The following CERS3 variants were observed in gnomAD, a reference collection of about 807,000 sequenced individuals.
CERS3 encodes the protein ceramide synthase 3.
Under a neutral mutation model 50.3 loss-of-function variants are expected in CERS3, and 33 were observed. The ratio of observed to expected loss-of-function variants is 0.66; its 90% CI spans 0.50 to 0.88. The LOEUF (loss-of-function observed/expected upper bound fraction) is 0.88, where lower values mean the gene tolerates loss of function less well. CERS3 is among the 40% of genes least tolerant of loss of function. The pLI is 0.00. For synonymous variants in CERS3, 176 were observed against 155.2 expected (o/e 1.13, Z -0.99); for missense variants, 470 against 460.3 (o/e 1.02, Z -0.19).
rs1156526862 is a variant in CERS3 at position 100,484,597 on chromosome 15, C to A, written c.360G>T (p.Arg120=). 1.2e-6 allele frequency: 2 copies of A among 1,614,052 alleles called. No homozygotes were observed. The highest frequency in any genetic ancestry group is 4.5e-5 in the East Asian group (2 of 44,896). ...GCCTGGAAGGCCTCTCTTGATTCCG[C>A]CGACTCCTAAACCATCTTTCCACCT... ...ERQVERWFRS[R]RNQERPSRLK... is the part of the protein sequence containing the mutation. The change falls in exon 5 of 12, where the codon CGG becomes CGT. Residue 120 remains arginine (R), a synonymous_variant. Transcript: ENST00000679737.
At chr15:100,532,936 A>G (rs1339727311), upstream of CERS3, among the ~76,000 whole-genome samples, 1 of 152,152 alleles carries the variant, frequency 6.6e-6, no homozygotes, top group Non-Finnish European at 1.5e-5. Context: ...ATTGTCATAA[A>G]GTCATCTCTC....
chr15:100,418,221 C>T (rs1052822540), intron 11 of CERS3, among the ~76,000 whole-genome samples: 7 of 152,016 alleles, frequency 4.6e-5, no homozygotes, highest in African/African-American at 1.7e-4. Flanking sequence ...ATAACCAATA[C>T]AGAGAAGGGC....
At chr15:100,534,658 A>G (rs1262124670) in intron 1 of CERS3, among the ~76,000 whole-genome samples, 1 of 122,858 alleles carries the variant, frequency 8.1e-6, no homozygotes, top group Non-Finnish European at 1.9e-5. Context: ...TCAGAAACTC[A>G]AAAGAATGCA....
chr15:100,497,607 G>A (rs1014026426), intron 3 of CERS3, among the ~76,000 whole-genome samples: 1 of 151,910 alleles, frequency 6.6e-6, no homozygotes, highest in South Asian at 2.1e-4. Flanking sequence ...GATTTATACA[G>A]TAAGGAAACA....
intron 11 of CERS3, among the ~76,000 whole-genome samples, chr15:100,426,523 T>C (rs1161750499): frequency 6.6e-6 from 1 of 152,086 alleles, no homozygotes; most frequent in Non-Finnish European, 1.5e-5. Context: ...GGAGAGAGAA[T>C]AAAATGAGTA....
intron 4 of CERS3, 119 bp downstream of exon 4, chr15:100,490,698 A>C: frequency 1.5e-6 from 1 of 664,918 alleles, no homozygotes; most frequent in African/African-American, 1.8e-5. Flanking sequence ...ATCCAAGTGA[A>C]TCCAGATCAT....
At chr15:100,437,490 A>C (rs2033473140) in intron 11 of CERS3, among the ~76,000 whole-genome samples, 1 of 152,176 alleles carries the variant, frequency 6.6e-6, no homozygotes, top group Non-Finnish European at 1.5e-5. Context: ...ACAGCTTAGA[A>C]AACTGTCACT....
intron 1 of CERS3, among the ~76,000 whole-genome samples, chr15:100,526,626 A>C (rs79157931): frequency 0.015 from 2,315 of 152,234 alleles, 65 homozygotes; most frequent in African/African-American, 0.053. Context: ...GGCATAGGAC[A>C]TTCATTACTT....
Position 100,417,414 on chromosome 15 carries a change from C to A in CERS3, c.1000-14549G>T, listed in dbSNP as rs1397930441. Among the ~76,000 whole-genome samples the A allele has an allele frequency of 1.8e-4, 27 of 152,248 alleles. 1 individual carries two copies. The highest frequency in any genetic ancestry group is 6.5e-4 in the African/African-American group (27 of 41,492). On this transcript the variant is annotated intron_variant, in intron 11 of 11. Transcript: ENST00000679737. ...CGCACCACGAGATTATATCCCACAC[C>A]TGGCTCTGAGGGTCCTACCCCACGG...
At chr15:100,525,940 A>G (rs1364033048) in intron 1 of CERS3, among the ~76,000 whole-genome samples, 1 of 152,218 alleles carries the variant, frequency 6.6e-6, no homozygotes, top group Non-Finnish European at 1.5e-5. Flanking sequence ...TCCAGTAAAT[A>G]AAACCATAAA....
chr15:100,540,391 A>G (rs2037171389), intron 1 of CERS3, among the ~76,000 whole-genome samples: 1 of 152,134 alleles, frequency 6.6e-6, no homozygotes, highest in African/African-American at 2.4e-5. Flanking sequence ...GAAAACACAA[A>G]AAATTAGCCG....
intron 1 of CERS3, among the ~76,000 whole-genome samples, chr15:100,540,370 C>G (rs1336079561): frequency 6.6e-6 from 1 of 152,184 alleles, no homozygotes; most frequent in Non-Finnish European, 1.5e-5. Flanking sequence ...TGGCAAAACC[C>G]TGTCTCTACT....
At chr15:100,529,836 T>C (rs1261986938), upstream of CERS3, among the ~76,000 whole-genome samples, 1 of 152,218 alleles carries the variant, frequency 6.6e-6, no homozygotes, top group Non-Finnish European at 1.5e-5. Flanking sequence ...TCATTAGCTG[T>C]CTTCAACTGC....
rs531657485 is a variant in CERS3 at position 100,536,137 on chromosome 15, G to C, written c.-354-7062C>G. Among the ~76,000 whole-genome samples, 11 of 110,102 alleles carry C rather than the reference G, an allele frequency of 1.0e-4. 1 individual carries two copies. The highest frequency in any genetic ancestry group is 2.0e-5 in the Non-Finnish European group (1 of 50,678). The allele number at this position is 110,102 out of a possible 152,430, so 72.2% of individuals were successfully genotyped here. A position where few individuals can be genotyped will look rare whatever the true frequency, so the allele number is the denominator to read the frequency against. ...TGTGCTCATATGTGCACGGGAAGTG[G>C]GGATATCCCTGTGCTCATATGTGCA... On this transcript the variant is annotated intron_variant, in intron 1 of 12. Coordinates refer to the CERS3 transcript ENST00000284382.
intron 1 of CERS3, among the ~76,000 whole-genome samples, chr15:100,534,475 T>C (rs1369413533): frequency 1.3e-5 from 2 of 151,712 alleles, no homozygotes; most frequent in Non-Finnish European, 1.5e-5. Flanking sequence ...ATGACTATAA[T>C]GATTATTAGT....
intron 5 of CERS3, among the ~76,000 whole-genome samples, chr15:100,482,250 G>A (rs912075807): frequency 6.6e-6 from 1 of 152,100 alleles, no homozygotes; most frequent in African/African-American, 2.4e-5. Context: ...ACATAAACGT[G>A]GGGGGAGAGA....
chr15:100,489,623 C>G (rs2035591534), intron 4 of CERS3, among the ~76,000 whole-genome samples: 1 of 152,066 alleles, frequency 6.6e-6, no homozygotes, highest in South Asian at 2.1e-4. Context: ...AGAAAGAGCC[C>G]TATCTTTTTT....
chr15:100,509,704 G>A lies in CERS3; in HGVS notation c.-1-7854C>T, dbSNP rs145581189. Among the ~76,000 whole-genome samples the A allele has an allele frequency of 6.1e-3, 931 of 152,304 alleles. 9 individuals carry two copies. Among genetic ancestry groups the A allele is most frequent in the Admixed American group, 8.6e-3 (131 of 15,296 alleles). Reference sequence around the variant, plus strand: ...GGTTATAGGTGACCGGCATTCTCTGGTGAAGGGAAAGTCAGCTCTGTAACA... The same window carrying A: ...GGTTATAGGTGACCGGCATTCTCTGATGAAGGGAAAGTCAGCTCTGTAACA... On this transcript the variant is annotated intron_variant, in intron 2 of 11. Transcript: ENST00000679737.
At chr15:100,467,741 A>T (rs71409309) in intron 10 of CERS3, among the ~76,000 whole-genome samples, 7 of 41,382 alleles carry the variant, frequency 1.7e-4, no homozygotes, top group South Asian at 1.5e-3. Context: ...AATAATTGCT[A>T]TCATTCTCTC....
Sources: gnomAD v4.1 joint callset for allele counts (sites outside exome capture counted in the v4.1 genomes callset) on GRCh38, gnomAD v4.1.1 for gene constraint, MANE v1.5 for transcripts, NCBI Gene and HGNC (gene_info 2026-07-23, HGNC 2026-07-21) for gene names.